Variants in CNNM2 observed in about 807,000 individuals in gnomAD.
CNNM2 encodes cyclin and CBS domain divalent metal cation transport mediator 2, also known as metal transporter CNNM2.
CNNM2 carries 12 observed loss-of-function variants against 66.9 expected under a neutral mutation model. That is an observed-to-expected ratio of 0.18 (90% confidence interval 0.11 to 0.29). The LOEUF (loss-of-function observed/expected upper bound fraction) is 0.29. Among genes scored for constraint, CNNM2 ranks in the 10% least tolerant of loss-of-function variants. The pLI is 1.00. For synonymous variants in CNNM2, 557 were observed against 501.8 expected (o/e 1.11, Z -1.47); for missense variants, 705 against 1,167.7 (o/e 0.60, Z 5.77).
rs2065761655 is a variant in CNNM2, at chr10:103,081,937, G to C, written c.*4757G>C. On this transcript the variant is annotated 3_prime_UTR_variant, in exon 8 of 8. Coordinates refer to ENST00000369878, the MANE Select transcript of CNNM2 (RefSeq NM_017649.5). ...TGGTTGGCTCAGCTCAAGTAAGCAC[G>C]TTCTCTCTGTATGCTAGAGCTACTG... The C allele has an allele frequency of 6.6e-6, 1 of 152,178 alleles. No individual in the cohort carries two copies. The highest frequency in any genetic ancestry group is 2.4e-5 in the African/African-American group (1 of 41,418). The allele number at this position is 152,178 out of a possible 1,614,324, so 9.4% of individuals were successfully genotyped here.
chr10:102,988,600 G>A (rs927647968), intron 1 of CNNM2, among the ~76,000 whole-genome samples: 3 of 152,042 alleles, frequency 2.0e-5, no homozygotes, highest in Admixed American at 6.6e-5. Flanking sequence ...TGAATGTCTC[G>A]TTCTGCAGCT....
intron 1 of CNNM2, among the ~76,000 whole-genome samples, chr10:102,956,103 C>T (rs1179920871): frequency 2.6e-5 from 4 of 151,896 alleles, no homozygotes; most frequent in Admixed American, 6.6e-5. Flanking sequence ...CTGGCTAACA[C>T]GGTGAAACTC....
chr10:102,974,136 T>A lies in CNNM2; in HGVS notation c.1621+54035T>A, dbSNP rs1538204. Among the ~76,000 whole-genome samples the A allele has an allele frequency of 0.41, 62,005 of 152,064 alleles. 12,865 individuals carry two copies. Among genetic ancestry groups the A allele is most frequent in the East Asian group, 0.56 (2,885 of 5,162 alleles). On this transcript the variant is annotated intron_variant, in intron 1 of 7. Transcript: ENST00000369878. ...TTGGCTTTGGCTTTGTATTTGAAAT[T>A]CTCTTCTTCACTTCAGATGGAGGTG...
intron 1 of CNNM2, among the ~76,000 whole-genome samples, chr10:102,942,144 T>C (rs1846456600): frequency 1.3e-5 from 2 of 152,252 alleles, no homozygotes; most frequent in Admixed American, 1.3e-4. Context: ...GAGGTGCTCA[T>C]TTAAATTTCT....
intron 1 of CNNM2, among the ~76,000 whole-genome samples, chr10:103,032,698 A>C (rs1257469828): frequency 7.5e-6 from 1 of 133,636 alleles, no homozygotes; most frequent in Non-Finnish European, 1.5e-5. Flanking sequence ...GCTGCATAGC[A>C]TTCTATTGCT....
At chr10:102,983,461 A>G (rs2063749377) in intron 1 of CNNM2, among the ~76,000 whole-genome samples, 1 of 150,290 alleles carries the variant, frequency 6.7e-6, no homozygotes, top group South Asian at 2.2e-4. Context: ...GGAGATTGAG[A>G]TCATCCTGGC....
chr10:102,968,666 C>T (rs542443828), intron 1 of CNNM2, among the ~76,000 whole-genome samples: 9 of 148,930 alleles, frequency 6.0e-5, no homozygotes, highest in Non-Finnish European at 8.9e-5. Flanking sequence ...GTCAGTGGTG[C>T]GATTATAGCT....
chr10:103,035,294 A>G (rs150068869), intron 1 of CNNM2, among the ~76,000 whole-genome samples: 1 of 152,290 alleles, frequency 6.6e-6, no homozygotes, highest in East Asian at 1.9e-4. Context: ...TAGAAGAACT[A>G]CCTGTCTCTT....
chr10:102,958,465 T>G (rs961496707), intron 1 of CNNM2, among the ~76,000 whole-genome samples: 7 of 113,698 alleles, frequency 6.2e-5, no homozygotes, highest in Non-Finnish European at 9.0e-5. Context: ...ACTTGTTTTT[T>G]TTTTTTTTTT....
In CNNM2 at chr10:103,022,543, C is replaced by T. The variant is rs114857203; in HGVS notation, c.1622-27164C>T. On this transcript the variant is annotated intron_variant, in intron 1 of 7. Coordinates refer to ENST00000369878, the MANE Select transcript of CNNM2 (RefSeq NM_017649.5). ...GACACTGTTAATAACTTGGGATCAG[C>T]CATGGTAGGAATACTTACACCATGG... Among the ~76,000 whole-genome samples, 1,781 of 152,206 alleles carry T rather than the reference C, an allele frequency of 0.012. 34 individuals are homozygous for T. Among genetic ancestry groups the T allele is most frequent in the African/African-American group, 0.04 (1,659 of 41,500 alleles).
intron 1 of CNNM2, among the ~76,000 whole-genome samples, chr10:103,028,135 A>ATGT (rs1341848762): frequency 2.6e-5 from 4 of 152,190 alleles, no homozygotes; most frequent in Non-Finnish European, 5.9e-5. Flanking sequence ...AACTGAGGTG[A>ATGT]TGTTCCATAA....
chr10:103,086,402 T>A lies in CNNM2; in HGVS notation c.*9222T>A, dbSNP rs1008604279. 2 of 152,164 alleles carry A rather than the reference T, an allele frequency of 1.3e-5. No homozygotes were observed. The highest frequency in any genetic ancestry group is 4.8e-5 in the African/African-American group (2 of 41,426). 9.4% of individuals were successfully genotyped at this position (152,164 alleles called of 1,614,324 possible). A position where few individuals can be genotyped will look rare whatever the true frequency, so the allele number is the denominator to read the frequency against. On this transcript the variant is annotated 3_prime_UTR_variant, in exon 8 of 8. Transcript: ENST00000369878. ...TTCCCACCATCAAAGACAGATTAAA[T>A]AGTTTCCATAACATGGAATGTGGGT...
In CNNM2 at chr10:102,938,024, C is replaced by T. The variant is rs12414777; in HGVS notation, c.1621+17923C>T. On this transcript the variant is annotated intron_variant, in intron 1 of 7. Coordinates refer to ENST00000369878, the MANE Select transcript of CNNM2 (RefSeq NM_017649.5). Reference sequence around the variant, plus strand: ...CATAAAATAATGACAATGTGTGGGGCGCAGTGACTCACGCCTATAATCCAA... The same window carrying T: ...CATAAAATAATGACAATGTGTGGGGTGCAGTGACTCACGCCTATAATCCAA... 0.2 allele frequency among the ~76,000 whole-genome samples: 30,781 copies of T among 151,600 alleles called. 3,302 individuals are homozygous for T. Among genetic ancestry groups the T allele is most frequent in the East Asian group, 0.37 (1,864 of 5,084 alleles).
At chr10:102,949,650 G>T (rs565168129) in intron 1 of CNNM2, among the ~76,000 whole-genome samples, 232 of 152,240 alleles carry the variant, frequency 1.5e-3, no homozygotes, top group African/African-American at 5.0e-3. Context: ...CGCGCGTGGT[G>T]GCGCGTGCCT....
rs935136666 is a variant in CNNM2 at position 102,921,155 on chromosome 10, T to G, written c.1621+1054T>G. 3 of 538,284 alleles carry G rather than the reference T, an allele frequency of 5.6e-6. No homozygotes were observed. In the African/African-American group the frequency reaches 6.2e-5, roughly 11 times the overall value. 33.3% of individuals were successfully genotyped at this position (538,284 alleles called of 1,614,324 possible). ...GTACTATTATTATTGAAGTTCTGAA[T>G]GTTTCCAGTAAATAGTGTTATTTGA... On this transcript the variant is annotated intron_variant, in intron 1 of 7. Coordinates refer to ENST00000369878, the MANE Select transcript of CNNM2 (RefSeq NM_017649.5).
intron 1 of CNNM2, among the ~76,000 whole-genome samples, chr10:102,985,633 C>T (rs2134235882): frequency 1.3e-5 from 2 of 152,320 alleles, no homozygotes; most frequent in Middle Eastern, 6.8e-3. Context: ...CGTGGCCAGA[C>T]AACTTGAGTT....
At chr10:102,966,881 G>A (rs924665475) in intron 1 of CNNM2, among the ~76,000 whole-genome samples, 1 of 152,064 alleles carries the variant, frequency 6.6e-6, no homozygotes. Flanking sequence ...GATGAGGAGT[G>A]GGGCAGGATA....
At position 103,055,411 on chromosome 10, in the gene CNNM2, T is replaced by C. The variant is rs1186244525; in HGVS notation, c.1903+945T>C. 7.9e-5 allele frequency among the ~76,000 whole-genome samples: 12 copies of C among 152,266 alleles called. No homozygotes were observed. In the East Asian group the frequency reaches 2.1e-3, roughly 27 times the overall value. On this transcript the variant is annotated intron_variant, in intron 3 of 7. Transcript: ENST00000369878. The stretch of plus-strand genomic sequence containing the variant: ...GGAAATGCTCACAATATTATATTTA[T>C]CACATCAGAAAATATAGCTTAATAC...
rs556021948 is a variant in CNNM2, at chr10:103,076,184, A to G, written c.2332A>G (p.Ser778Gly). The change falls in exon 7 of 8, where the codon AGC (serine) becomes GGC (glycine). Residue 778 changes from serine (S) to glycine (G), a missense_variant. Ser to Gly is a moderately conservative substitution (Grantham distance 56, BLOSUM62 0). Coordinates refer to ENST00000369878, the MANE Select transcript of CNNM2 (RefSeq NM_017649.5). ...IDAVTPTLGS[S>G]NNQLNSSLLQ... ...CGCCGTCACACCAACACTGGGGAGC[A>G]GCAATAACCAGCTCAATTCTTCGCT... The G allele has an allele frequency of 2.5e-6, 4 of 1,600,880 alleles. No individual in the cohort carries two copies. The highest frequency in any genetic ancestry group is 3.4e-6 in the Non-Finnish European group (4 of 1,173,794).
Sources: gnomAD v4.1 joint callset for allele counts (sites outside exome capture counted in the v4.1 genomes callset) on GRCh38, gnomAD v4.1.1 for gene constraint, MANE v1.5 for transcripts, NCBI Gene and HGNC (gene_info 2026-07-23, HGNC 2026-07-21) for gene names.